The following CDH12 variants were observed in gnomAD, a reference collection of about 807,000 sequenced individuals.
The protein encoded by CDH12 is cadherin-12.
A neutral mutation model predicts 74.1 loss-of-function variants in CDH12; 41 were observed. That is an observed-to-expected ratio of 0.55 (90% CI 0.43 to 0.72). The LOEUF is 0.72. Among genes scored for constraint, CDH12 ranks in the 30% least tolerant of loss-of-function variants. CDH12 has a pLI of 0.00. For missense variants in CDH12, 945 were observed against 977.2 expected (o/e 0.97, Z 0.44); for synonymous variants, 399 against 355.0 (o/e 1.12, Z -1.39).
At chr5:21,921,958 T>TA (rs898758175) in intron 6 of CDH12, among the ~76,000 whole-genome samples, 1 of 152,148 alleles carries the variant, frequency 6.6e-6, no homozygotes, top group African/African-American at 2.4e-5. Context: ...TTTCTTAACA[T>TA]AAAAATCCAC....
intron 8 of CDH12, among the ~76,000 whole-genome samples, chr5:21,835,632 T>A (rs1485287153): frequency 1.3e-5 from 2 of 151,816 alleles, no homozygotes; most frequent in African/African-American, 4.8e-5. Context: ...GAATGCCAAA[T>A]AGTAAACAAA....
At chr5:22,578,936 A>C (rs1739937448) in intron 1 of CDH12, among the ~76,000 whole-genome samples, 1 of 152,166 alleles carries the variant, frequency 6.6e-6, no homozygotes, top group African/African-American at 2.4e-5. Context: ...TTTTAAACAA[A>C]ATGATTTAAG....
chr5:22,343,182 A>G (rs1264915166), intron 3 of CDH12, among the ~76,000 whole-genome samples: 6 of 151,486 alleles, frequency 4.0e-5, no homozygotes, highest in Non-Finnish European at 1.5e-5. Flanking sequence ...AGTAGAACGT[A>G]GACTAACATG....
intron 6 of CDH12, among the ~76,000 whole-genome samples, chr5:21,927,001 G>T (rs935000334): frequency 1.2e-4 from 19 of 152,134 alleles, no homozygotes; most frequent in African/African-American, 3.9e-4. Context: ...ATGAATGAGG[G>T]AAATTTCTTG....
intron 5 of CDH12, among the ~76,000 whole-genome samples, chr5:21,977,101 G>C (rs1469381788): frequency 1.6e-4 from 25 of 151,924 alleles, no homozygotes; most frequent in Non-Finnish European, 2.9e-5. Flanking sequence ...TTTTGTATGA[G>C]AGTATAAGCA....
intron 2 of CDH12, among the ~76,000 whole-genome samples, chr5:22,424,297 G>C (rs1743799182): frequency 2.0e-5 from 3 of 152,084 alleles, no homozygotes; most frequent in Admixed American, 2.0e-4. Context: ...GATATAATCA[G>C]AGGATGTAAA....
At chr5:22,831,351 T>TGTGTGTGTGTGTGTGTG (rs1554007030) in intron 1 of CDH12, among the ~76,000 whole-genome samples, 1 of 138,540 alleles carries the variant, frequency 7.2e-6, no homozygotes, top group Non-Finnish European at 1.5e-5. Context: ...GTTTTGGAGT[T>TGTGTGTGTGTGTGTGTG]TGTGTGTGTG....
At chr5:22,018,417 T>C (rs1249506631) in intron 5 of CDH12, among the ~76,000 whole-genome samples, 1 of 152,236 alleles carries the variant, frequency 6.6e-6, no homozygotes, top group Non-Finnish European at 1.5e-5. Flanking sequence ...TGGGAAAATA[T>C]AACTCAAAAA....
intron 1 of CDH12, among the ~76,000 whole-genome samples, chr5:22,614,112 A>T (rs569986000): frequency 1.3e-4 from 20 of 152,220 alleles, no homozygotes; most frequent in African/African-American, 4.8e-4. Flanking sequence ...ATAGAGCAAG[A>T]GTCAATATAG....
chr5:21,811,843 T>C (rs931653143), intron 9 of CDH12, among the ~76,000 whole-genome samples: 2 of 151,972 alleles, frequency 1.3e-5, no homozygotes, highest in East Asian at 3.9e-4. Context: ...CTTCATAATG[T>C]TCCTCTGAAT....
chr5:22,266,548 G>T (rs1736123740), intron 3 of CDH12, among the ~76,000 whole-genome samples: 1 of 151,858 alleles, frequency 6.6e-6, no homozygotes, highest in East Asian at 1.9e-4. Flanking sequence ...ATTTTTTCTT[G>T]TATATCACCA....
intron 6 of CDH12, among the ~76,000 whole-genome samples, chr5:21,903,596 A>C (rs1447082171): frequency 2.0e-5 from 3 of 152,116 alleles, no homozygotes; most frequent in Non-Finnish European, 4.4e-5. Context: ...ATTAAGAGAA[A>C]TTTACTTTCT....
intron 6 of CDH12, among the ~76,000 whole-genome samples, chr5:21,941,437 T>TTCTTA (rs1188038556): frequency 6.6e-6 from 1 of 152,058 alleles, no homozygotes; most frequent in Non-Finnish European, 1.5e-5. Context: ...TATGAGTTGT[T>TTCTTA]TTTAAAAAAT....
intron 1 of CDH12, among the ~76,000 whole-genome samples, chr5:22,691,399 G>A (rs948796883): frequency 6.6e-6 from 1 of 152,176 alleles, no homozygotes; most frequent in Non-Finnish European, 1.5e-5. Context: ...GGAGAAATTG[G>A]AGATTTGGGA....
intron 5 of CDH12, among the ~76,000 whole-genome samples, chr5:22,072,023 A>T (rs1741972219): frequency 6.6e-6 from 1 of 151,688 alleles, no homozygotes; most frequent in Non-Finnish European, 1.5e-5. Flanking sequence ...CAAATATTCT[A>T]CTCTAATTTC....
intron 1 of CDH12, among the ~76,000 whole-genome samples, chr5:22,576,499 G>A (rs902763628): frequency 2.6e-5 from 4 of 152,288 alleles, no homozygotes; most frequent in Admixed American, 2.6e-4. Flanking sequence ...AATATATGGA[G>A]AAATAGACAA....
At chr5:22,523,048 A>C (rs560424513) in intron 1 of CDH12, among the ~76,000 whole-genome samples, 2 of 152,178 alleles carry the variant, frequency 1.3e-5, no homozygotes, top group Non-Finnish European at 2.9e-5. Flanking sequence ...GTTTCCTGCA[A>C]TTCTGGAGAA....
Position 21,966,372 on chromosome 5 carries a change from T to C in CDH12, c.526+8719A>G, listed in dbSNP as rs531367955. ...ATGGTCTCTGTTGCCAGCTCTTCCA[T>C]TGTGGTGTGAAAGCAGCCATAGACA... On this transcript the variant is annotated intron_variant, in intron 6 of 14. Transcript: ENST00000382254. Among the ~76,000 whole-genome samples the C allele has an allele frequency of 2.0e-3, 298 of 152,122 alleles. 4 individuals are homozygous for C. Among genetic ancestry groups the C allele is most frequent in the African/African-American group, 6.7e-3 (278 of 41,534 alleles).
intron 1 of CDH12, among the ~76,000 whole-genome samples, chr5:22,790,335 T>C (rs1335249675): frequency 6.6e-6 from 1 of 152,174 alleles, no homozygotes; most frequent in African/African-American, 2.4e-5. Context: ...ATAAATTAAC[T>C]TTTCTTAACA....
Sources: gnomAD v4.1 joint callset for allele counts (sites outside exome capture counted in the v4.1 genomes callset) on GRCh38, gnomAD v4.1.1 for gene constraint, MANE v1.5 for transcripts, NCBI Gene and HGNC (gene_info 2026-07-23, HGNC 2026-07-21) for gene names.